RBFOX1: variants seen among roughly 807,000 people sequenced by gnomAD.
RBFOX1 encodes the protein RNA binding protein fox-1 homolog 1.
Under a neutral mutation model 57.7 loss-of-function variants are expected in RBFOX1, and 8 were observed. The observed-to-expected ratio is 0.14, with a 90% CI of 0.08 to 0.25. RBFOX1 has a LOEUF of 0.25. RBFOX1 is among the 10% of genes least tolerant of loss of function. The pLI, the probability that RBFOX1 is intolerant of heterozygous loss-of-function variation, is 1.00. For synonymous variants in RBFOX1, 326 were observed against 222.4 expected (o/e 1.47, Z -4.15); for missense variants, 611 against 548.5 (o/e 1.11, Z -1.14).
At chr16:5,587,379 G>C (rs1008590663) in intron 2 of RBFOX1, among the ~76,000 whole-genome samples, 11 of 152,200 alleles carry the variant, frequency 7.2e-5, no homozygotes. Flanking sequence ...ACTGCAGGGA[G>C]ATACCACTGC....
At chr16:5,606,918 C>G (rs1274883783) in intron 3 of RBFOX1, among the ~76,000 whole-genome samples, 3 of 152,126 alleles carry the variant, frequency 2.0e-5, no homozygotes, top group Non-Finnish European at 4.4e-5. Flanking sequence ...CAGGCATGCC[C>G]CAGTGCTCCA....
At chr16:6,883,108 C>G (rs1269325331) in intron 3 of RBFOX1, among the ~76,000 whole-genome samples, 1 of 152,108 alleles carries the variant, frequency 6.6e-6, no homozygotes, top group Non-Finnish European at 1.5e-5. Context: ...GTATGAATGG[C>G]TACAGTATAT....
In RBFOX1 at chr16:7,145,297, C is replaced by T. The variant is rs115359762; in HGVS notation, c.27+93199C>T. Among the ~76,000 whole-genome samples the T allele has an allele frequency of 3.9e-3, 588 of 152,238 alleles. 4 individuals are homozygous for T. Among genetic ancestry groups the T allele is most frequent in the South Asian group, 0.015 (73 of 4,816 alleles). ...TCAGTTCACTGCAGCCTCAACTTCC[C>T]GGGTACAAGAGATTCTCCTGCCTTA... On this transcript the variant is annotated intron_variant, in intron 4 of 15. Transcript: ENST00000550418.
At chr16:6,926,289 A>G (rs2153463489) in intron 3 of RBFOX1, among the ~76,000 whole-genome samples, 1 of 152,298 alleles carries the variant, frequency 6.6e-6, no homozygotes, top group African/African-American at 2.4e-5. Flanking sequence ...CCTGGGCAAC[A>G]GAGCAAGACT....
intron 3 of RBFOX1, among the ~76,000 whole-genome samples, chr16:6,709,832 C>T (rs895556182): frequency 7.0e-4 from 106 of 152,190 alleles, no homozygotes; most frequent in African/African-American, 2.4e-3. Flanking sequence ...CAGATCAGAA[C>T]GCTGGCTGGT....
rs2094575971 is a variant in RBFOX1, at chr16:6,450,766, TGTATATATATATATATATATATAC to T, written c.-64+133710_-64+133733del. Among the ~76,000 whole-genome samples, 21 of 26,062 alleles carry T rather than the reference TGTATATATATATATATATATATAC, an allele frequency of 8.1e-4. 4 individuals carry two copies. In the South Asian group the frequency reaches 0.021, roughly 27 times the overall value. The allele number at this position is 26,062 out of a possible 152,430, so 17.1% of individuals were successfully genotyped here. On this transcript the variant is annotated intron_variant, in intron 2 of 15. Coordinates refer to ENST00000550418, the MANE Select transcript of RBFOX1 (RefSeq NM_018723.4). The stretch of plus-strand genomic sequence containing the variant: ...TTATATATATATACATATATATATG[TGTATATATATATATATATATATAC>T]ATATATATATGTATATATATATATA...
chr16:6,406,512 G>C (rs1330809068), intron 2 of RBFOX1, among the ~76,000 whole-genome samples: 1 of 151,576 alleles, frequency 6.6e-6, no homozygotes, highest in Non-Finnish European at 1.5e-5. Flanking sequence ...ATACCTTTAG[G>C]GTTATTTGGT....
At chr16:6,673,788 AC>A (rs1465505864) in intron 3 of RBFOX1, among the ~76,000 whole-genome samples, 1 of 152,170 alleles carries the variant, frequency 6.6e-6, no homozygotes, top group Non-Finnish European at 1.5e-5. Context: ...ATTCCTACTC[AC>A]AAAAAGGCAG....
chr16:5,660,763 G>C (rs1019891455), intron 3 of RBFOX1, among the ~76,000 whole-genome samples: 121 of 152,242 alleles, frequency 7.9e-4, no homozygotes, highest in African/African-American at 2.9e-3. Context: ...TAAGATGCCT[G>C]CTATGCCGGA....
chr16:5,956,676 A>ATTTTTT (rs1416211761), intron 4 of RBFOX1, among the ~76,000 whole-genome samples: 7,916 of 103,462 alleles, frequency 0.077, 480 homozygotes, highest in African/African-American at 0.16. Flanking sequence ...ATATATATAT[A>ATTTTTT]TATTTTTTTT....
At chr16:5,503,117 AC>A (rs949001896) in intron 2 of RBFOX1, among the ~76,000 whole-genome samples, 34 of 152,016 alleles carry the variant, frequency 2.2e-4, no homozygotes, top group Non-Finnish European at 4.0e-4. Flanking sequence ...CTGGAACCAC[AC>A]CCCCAGGGTG....
chr16:6,707,301 G>A (rs2062921393), intron 3 of RBFOX1, among the ~76,000 whole-genome samples: 1 of 152,148 alleles, frequency 6.6e-6, no homozygotes, highest in Non-Finnish European at 1.5e-5. Context: ...GGCTGAGACA[G>A]ACGCATTTCC....
At chr16:7,199,975 T>C (rs553910142) in intron 4 of RBFOX1, among the ~76,000 whole-genome samples, 1 of 152,220 alleles carries the variant, frequency 6.6e-6, no homozygotes, top group Non-Finnish European at 1.5e-5. Flanking sequence ...GGGAACACTT[T>C]TGTAATCTCA....
intron 1 of RBFOX1, among the ~76,000 whole-genome samples, chr16:5,462,164 CTTTCTTTTTTTT>C (rs2068808705): frequency 9.9e-6 from 1 of 101,080 alleles, no homozygotes; most frequent in South Asian, 3.1e-4. Context: ...TTCTTTCTTT[CTTTCTTTTTTTT>C]TTTTTTTTTT....
chr16:7,036,154 A>G (rs2044351362), intron 3 of RBFOX1, among the ~76,000 whole-genome samples: 2 of 151,110 alleles, frequency 1.3e-5, no homozygotes, highest in East Asian at 2.0e-4. Context: ...TTCTATCCCT[A>G]TTTCCTTGTC....
At chr16:6,265,868 C>A (rs575440049) in intron 1 of RBFOX1, among the ~76,000 whole-genome samples, 1 of 152,168 alleles carries the variant, frequency 6.6e-6, no homozygotes, top group Admixed American at 6.5e-5. Context: ...CTCCTCACTT[C>A]TTGTACATTT....
chr16:6,824,217 C>T (rs1265099036), intron 3 of RBFOX1, among the ~76,000 whole-genome samples: 1 of 152,130 alleles, frequency 6.6e-6, no homozygotes, highest in Non-Finnish European at 1.5e-5. Flanking sequence ...CCAGTCTGGC[C>T]AACATGGCGA....
At chr16:7,703,299 T>C (rs994942257) in intron 14 of RBFOX1, among the ~76,000 whole-genome samples, 5 of 152,226 alleles carry the variant, frequency 3.3e-5, no homozygotes, top group Non-Finnish European at 7.3e-5. Context: ...ATGCATACTC[T>C]GCAGCCCTTC....
chr16:6,996,524 C>T (rs1431257757), intron 3 of RBFOX1, among the ~76,000 whole-genome samples: 1 of 152,166 alleles, frequency 6.6e-6, no homozygotes, highest in African/African-American at 2.4e-5. Context: ...GTAGGGCTTG[C>T]ATACATTGTA....
Sources: allele counts gnomAD v4.1 joint callset (sites outside exome capture counted in the v4.1 genomes callset), GRCh38; gene constraint gnomAD v4.1.1; transcripts MANE v1.5; gene names NCBI Gene and HGNC (gene_info 2026-07-23, HGNC 2026-07-21).